Variants in MMS22L observed in about 807,000 individuals in gnomAD.
The protein encoded by MMS22L is protein MMS22-like.
Under a neutral mutation model 159.1 loss-of-function variants are expected in MMS22L, and 74 were observed. That is an observed-to-expected ratio of 0.47 (90% CI 0.39 to 0.56). The LOEUF (loss-of-function observed/expected upper bound fraction) is 0.56, where lower values mean the gene tolerates loss of function less well. Among genes scored for constraint, MMS22L ranks in the 20% least tolerant of loss-of-function variants. MMS22L has a pLI of 0.00. For missense variants in MMS22L, 1,351 were observed against 1,422.1 expected, an observed-to-expected ratio of 0.95 and a Z score of 0.80; for synonymous variants, 517 against 506.9, an observed-to-expected ratio of 1.02 and a Z score of -0.27.
Position 97,267,954 on chromosome 6 carries a change from A to G in MMS22L, c.746T>C (p.Leu249Ser). 1 of 1,608,296 alleles carries G rather than the reference A, an allele frequency of 6.2e-7. No homozygotes were observed. The highest frequency in any genetic ancestry group is 8.5e-7 in the Non-Finnish European group (1 of 1,177,812). The change falls in exon 8 of 25, where the codon TTA becomes TCA. Residue 249 changes from leucine (L) to serine (S), a missense_variant. Transcript: ENST00000683635. Reference sequence around the variant, plus strand: ...TTCTTCAAATAGGCTGATGTTGGTTAAATTGTCACTTGCCAGATTCATAAA... The same window carrying G: ...TTCTTCAAATAGGCTGATGTTGGTTGAATTGTCACTTGCCAGATTCATAAA... ...HQFMNLASDN[L>S]TNISLFEEHC...
chr6:97,247,029 G>GTTT lies in MMS22L; in HGVS notation c.1120-342_1120-340dup, dbSNP rs5878473. On this transcript the variant is annotated intron_variant, in intron 10 of 24. Transcript: ENST00000683635. ...ATAGCCACATGTATTTTTGGTGTTTGTTTTTTTTTTTATGCTGAGTAATCA... is the reference window on the plus strand; with the variant it reads ...ATAGCCACATGTATTTTTGGTGTTTGTTTTTTTTTTTTTTATGCTGAGTAATCA... Among the ~76,000 whole-genome samples, 251 of 144,320 alleles carry GTTT rather than the reference G, an allele frequency of 1.7e-3. 1 individual carries two copies. Among genetic ancestry groups the GTTT allele is most frequent in the African/African-American group, 2.2e-3 (89 of 39,708 alleles). 94.7% of individuals were successfully genotyped at this position (144,320 alleles called of 152,430 possible). A position where few individuals can be genotyped will look rare whatever the true frequency, so the allele number is the denominator to read the frequency against.
At chr6:97,151,165 C>T (rs1801280295) in intron 23 of MMS22L, among the ~76,000 whole-genome samples, 1 of 152,108 alleles carries the variant, frequency 6.6e-6, no homozygotes, top group Non-Finnish European at 1.5e-5. Flanking sequence ...TCTCTCAAAC[C>T]CAGTCTAGGA....
intron 9 of MMS22L, 137 bp downstream of exon 9, chr6:97,263,198 C>A: frequency 1.8e-6 from 1 of 562,888 alleles, no homozygotes; most frequent in Non-Finnish European, 3.1e-6. Flanking sequence ...ATATTCAGTA[C>A]TCAGTTATTG....
chr6:97,154,251 C>T (rs769090890), intron 22 of MMS22L, among the ~76,000 whole-genome samples: 5 of 151,946 alleles, frequency 3.3e-5, no homozygotes, highest in Admixed American at 1.3e-4. Context: ...GCTTATTGGC[C>T]GTTTATTTTC....
chr6:97,192,171 T>C (rs1251714694), intron 14 of MMS22L, among the ~76,000 whole-genome samples: 1 of 27,370 alleles, frequency 3.7e-5, no homozygotes, highest in Non-Finnish European at 7.0e-5. Context: ...GGTAGACGGA[T>C]GGATGGATGG....
At chr6:97,257,695 G>A (rs1813975667) in intron 9 of MMS22L, among the ~76,000 whole-genome samples, 2 of 152,020 alleles carry the variant, frequency 1.3e-5, no homozygotes, top group South Asian at 2.1e-4. Context: ...CCAAAGTGCT[G>A]GGGTTACAGG....
intron 14 of MMS22L, among the ~76,000 whole-genome samples, chr6:97,187,145 C>T (rs1162918270): frequency 1.3e-5 from 2 of 152,160 alleles, no homozygotes; most frequent in African/African-American, 4.8e-5. Context: ...GTTTAGAAGA[C>T]ACAGGCCTTG....
rs879923791 is a variant in MMS22L, at chr6:97,192,199, TG to T, written c.2040-5510del. ...ATGGATGGATGGATGGATGGATGGATGGATGGATGGATGAATGAATGAATGA... is the reference window on the plus strand; with the variant it reads ...ATGGATGGATGGATGGATGGATGGATGATGGATGGATGAATGAATGAATGA... On this transcript the variant is annotated intron_variant, in intron 14 of 24. Coordinates refer to ENST00000683635, the MANE Select transcript of MMS22L (RefSeq NM_001350599.2). 7.8e-3 allele frequency among the ~76,000 whole-genome samples: 1,167 copies of T among 150,566 alleles called. 9 individuals are homozygous for T. The highest frequency in any genetic ancestry group is 0.014 in the Admixed American group (217 of 15,008).
chr6:97,174,391 A>AT (rs1364470217), intron 18 of MMS22L, among the ~76,000 whole-genome samples: 3 of 152,104 alleles, frequency 2.0e-5, no homozygotes, highest in Non-Finnish European at 4.4e-5. Context: ...CAGTTCTGTG[A>AT]TTTTTCTTCT....
At chr6:97,158,758 G>A (rs560135074) in intron 22 of MMS22L, among the ~76,000 whole-genome samples, 8 of 152,226 alleles carry the variant, frequency 5.3e-5, no homozygotes, top group East Asian at 1.9e-4. Flanking sequence ...GAATAAGTGC[G>A]ATGTGGTGCT....
chr6:97,216,917 C>A (rs1809076162), intron 14 of MMS22L, among the ~76,000 whole-genome samples: 1 of 152,140 alleles, frequency 6.6e-6, no homozygotes, highest in African/African-American at 2.4e-5. Flanking sequence ...ACTTCTATTC[C>A]CTAAACAACT....
At chr6:97,265,464 C>G (rs201849718) in intron 8 of MMS22L, 1 of 151,106 alleles carries the variant, frequency 6.6e-6, no homozygotes, top group African/African-American at 2.4e-5. Flanking sequence ...GATATGACCC[C>G]AAAAAGCACA....
At chr6:97,244,246 G>A (rs1407468393) in intron 11 of MMS22L, among the ~76,000 whole-genome samples, 2 of 152,198 alleles carry the variant, frequency 1.3e-5, no homozygotes, top group Non-Finnish European at 2.9e-5. Flanking sequence ...GTACTACAGG[G>A]GGGACATAAA....
intron 9 of MMS22L, 132 bp from the exon 10 acceptor site, chr6:97,254,865 A>T (rs560923190): frequency 4.9e-4 from 328 of 667,436 alleles, no homozygotes; most frequent in Non-Finnish European, 7.1e-4. Context: ...AAATAATAAA[A>T]ATGCCCAGGT....
chr6:97,213,703 C>G (rs1236886264), intron 14 of MMS22L, among the ~76,000 whole-genome samples: 1 of 152,132 alleles, frequency 6.6e-6, no homozygotes, highest in East Asian at 1.9e-4. Context: ...TAAAAACTCT[C>G]TAGAGCCTTC....
chr6:97,183,317 T>C (rs904576630), intron 15 of MMS22L, among the ~76,000 whole-genome samples: 29 of 152,164 alleles, frequency 1.9e-4, no homozygotes, highest in African/African-American at 6.5e-4. Flanking sequence ...TCATTTATAC[T>C]ACCAACTCTT....
chr6:97,188,819 G>A (rs1050168911), intron 14 of MMS22L, among the ~76,000 whole-genome samples: 5 of 151,978 alleles, frequency 3.3e-5, no homozygotes, highest in African/African-American at 1.2e-4. Context: ...AAAATTAGCC[G>A]GGCATGATGG....
At chr6:97,261,446 T>G (rs1378535677) in intron 9 of MMS22L, 1 of 152,282 alleles carries the variant, frequency 6.6e-6, no homozygotes, top group Non-Finnish European at 1.5e-5. Context: ...GGTGACCTAC[T>G]TCCACTTAAT....
intron 16 of MMS22L, among the ~76,000 whole-genome samples, chr6:97,181,127 T>C (rs939457441): frequency 9.2e-5 from 14 of 152,070 alleles, no homozygotes; most frequent in South Asian, 2.1e-4. Context: ...CTATGTGAGA[T>C]AGTAATGAAG....
Sources: allele counts gnomAD v4.1 joint callset (sites outside exome capture counted in the v4.1 genomes callset), GRCh38; gene constraint gnomAD v4.1.1; transcripts MANE v1.5; gene names NCBI Gene and HGNC (gene_info 2026-07-23, HGNC 2026-07-21).